Variants in PDE12 observed in about 807,000 individuals in gnomAD.
The protein encoded by PDE12 is phosphodiesterase 12, also known as 2',5'-phosphodiesterase 12.
In PDE12, 26 loss-of-function variants were observed where a neutral mutation model predicts 45.4. That is an observed-to-expected ratio of 0.57 (90% CI 0.42 to 0.79). PDE12 has a LOEUF of 0.79. Ranked by LOEUF, PDE12 falls within the 30% of genes least tolerant of loss-of-function variation. The pLI, the probability that PDE12 is intolerant of heterozygous loss-of-function variation, is 0.00. For missense variants in PDE12, 668 were observed against 790.0 expected, an observed-to-expected ratio of 0.85 and a Z score of 1.85; for synonymous variants, 283 against 323.9, an observed-to-expected ratio of 0.87 and a Z score of 1.36.
chr3:57,569,882 T>A (rs2069820180), downstream of PDE12, among the ~76,000 whole-genome samples: 1 of 151,486 alleles, frequency 6.6e-6, no homozygotes, highest in African/African-American at 2.4e-5. Flanking sequence ...AAGAGCTGCT[T>A]TACATCACGA....
chr3:57,644,820 G>A, the PDE12 span, among the ~76,000 whole-genome samples: 1 of 105,918 alleles, frequency 9.4e-6, no homozygotes, highest in Non-Finnish European at 1.9e-5. Context: ...GGAGGGGAGG[G>A]GGAAAGACAG....
At chr3:57,595,290 C>T in the PDE12 span, among the ~76,000 whole-genome samples, 1 of 152,194 alleles carries the variant, frequency 6.6e-6, no homozygotes, top group African/African-American at 2.4e-5. Context: ...GACCAATATA[C>T]TATGTGTTCT....
At chr3:57,624,174 G>A in the PDE12 span, among the ~76,000 whole-genome samples, 10 of 150,520 alleles carry the variant, frequency 6.6e-5, no homozygotes, top group East Asian at 2.0e-4. Flanking sequence ...TTTTTGAGGC[G>A]GAGTCTCGCT....
chr3:57,612,132 A>G, the PDE12 span, among the ~76,000 whole-genome samples: 1 of 151,260 alleles, frequency 6.6e-6, no homozygotes, highest in Non-Finnish European at 1.5e-5. Context: ...TCAGCAAACT[A>G]TCACAAGGAC....
At chr3:57,573,278 A>G in the PDE12 span, among the ~76,000 whole-genome samples, 1 of 152,062 alleles carries the variant, frequency 6.6e-6, no homozygotes, top group Admixed American at 6.6e-5. Context: ...CAATTTCACC[A>G]TCTTTAGTCT....
chr3:57,617,312 G>C, the PDE12 span, among the ~76,000 whole-genome samples: 1 of 151,728 alleles, frequency 6.6e-6, no homozygotes, highest in African/African-American at 2.4e-5. Flanking sequence ...GCTGAGGCTA[G>C]AGGATTGCTT....
the PDE12 span, among the ~76,000 whole-genome samples, chr3:57,625,077 G>T: frequency 1.3e-5 from 2 of 151,858 alleles, no homozygotes; most frequent in African/African-American, 2.4e-5. Context: ...CTAATTTTTT[G>T]ATTTTTTGTA....
chr3:57,600,490 C>T, the PDE12 span, among the ~76,000 whole-genome samples: 16 of 150,862 alleles, frequency 1.1e-4, no homozygotes, highest in Non-Finnish European at 2.4e-4. Context: ...CTCCCTTCCC[C>T]TCCCCTCCCT....
the PDE12 span, among the ~76,000 whole-genome samples, chr3:57,649,191 C>T: frequency 6.6e-6 from 1 of 151,982 alleles, no homozygotes; most frequent in African/African-American, 2.4e-5. Context: ...AAAAAGTGGG[C>T]TAAGGACATG....
At chr3:57,640,834 T>C in the PDE12 span, among the ~76,000 whole-genome samples, 103 of 152,260 alleles carry the variant, frequency 6.8e-4, no homozygotes, top group Non-Finnish European at 1.2e-3. Flanking sequence ...GCAAGACTCA[T>C]GTCCTTAATT....
the PDE12 span, chr3:57,597,597 G>C: frequency 6.3e-6 from 1 of 159,304 alleles, no homozygotes; most frequent in Non-Finnish European, 1.4e-5. Context: ...GAGGCCGGCT[G>C]AGGCACATGC....
At chr3:57,574,683 G>A in the PDE12 span, among the ~76,000 whole-genome samples, 5 of 151,986 alleles carry the variant, frequency 3.3e-5, no homozygotes, top group South Asian at 1.0e-3. Flanking sequence ...TTGGGATTAC[G>A]GGTGTGAGCC....
At chr3:57,630,250 AT>A in the PDE12 span, 70 of 171,604 alleles carry the variant, frequency 4.1e-4, 2 homozygotes, top group South Asian at 0.011. Flanking sequence ...AAAAGAGATT[AT>A]CTATATAAAG....
chr3:57,611,335 T>A, the PDE12 span, among the ~76,000 whole-genome samples: 5 of 152,266 alleles, frequency 3.3e-5, no homozygotes, highest in Admixed American at 3.3e-4. Flanking sequence ...AAGGACTTCA[T>A]GTCTAAAACA....
chr3:57,563,670 T>G lies in PDE12; in HGVS notation c.*3666T>G, dbSNP rs1339680976. The G allele has an allele frequency of 6.6e-6, 1 of 152,248 alleles. No homozygotes were observed. Among genetic ancestry groups the G allele is most frequent in the East Asian group, 1.9e-4 (1 of 5,202 alleles). 9.4% of individuals were successfully genotyped at this position (152,248 alleles called of 1,614,324 possible). On this transcript the variant is annotated 3_prime_UTR_variant, in exon 3 of 3. Coordinates refer to ENST00000311180, the MANE Select transcript of PDE12 (RefSeq NM_177966.7). ...GGGAGGCTGAGGCAGGAGGATCACT[T>G]GAGCTGAGGAGTTCAAGACCAGCCT...
At chr3:57,633,073 A>G in the PDE12 span, among the ~76,000 whole-genome samples, 1 of 152,322 alleles carries the variant, frequency 6.6e-6, no homozygotes, top group East Asian at 1.9e-4. Flanking sequence ...AGAGGGAGTG[A>G]CTTACCAAAG....
At chr3:57,595,094 T>G in the PDE12 span, among the ~76,000 whole-genome samples, 1 of 152,208 alleles carries the variant, frequency 6.6e-6, no homozygotes, top group Non-Finnish European at 1.5e-5. Flanking sequence ...AACTTAAATA[T>G]TTTTTCTCTC....
chr3:57,599,779 A>G, the PDE12 span, among the ~76,000 whole-genome samples: 3 of 152,120 alleles, frequency 2.0e-5, no homozygotes, highest in African/African-American at 7.2e-5. Context: ...TATTCTGCCC[A>G]AGGTCACACA....
At chr3:57,583,981 T>C in the PDE12 span, 4 of 1,612,330 alleles carry the variant, frequency 2.5e-6, no homozygotes, top group Non-Finnish European at 3.4e-6. Flanking sequence ...CAAATGTTCT[T>C]ATATTCTACT....
Sources: allele counts gnomAD v4.1 joint callset (sites outside exome capture counted in the v4.1 genomes callset), GRCh38; gene constraint gnomAD v4.1.1; transcripts MANE v1.5; gene names NCBI Gene and HGNC (gene_info 2026-07-23, HGNC 2026-07-21).